Variants in RPAP1 observed in about 807,000 individuals in gnomAD.
RPAP1 encodes the protein RNA polymerase II associated protein 1.
RPAP1 carries 109 observed loss-of-function variants against 142.4 expected under a neutral mutation model. The ratio of observed to expected loss-of-function variants is 0.77; its 90% CI spans 0.66 to 0.90. The LOEUF is 0.90. Among genes scored for constraint, RPAP1 ranks in the 40% least tolerant of loss-of-function variants. The pLI is 0.00. For missense variants in RPAP1, 1,546 were observed against 1,751.7 expected, an observed-to-expected ratio of 0.88 and a Z score of 2.10; for synonymous variants, 704 against 738.9, an observed-to-expected ratio of 0.95 and a Z score of 0.77.
chr15:41,527,095 G>A, intron 13 of RPAP1, 27 bp from the exon 14 acceptor site: 1 of 1,612,386 alleles, frequency 6.2e-7, no homozygotes, highest in Non-Finnish European at 8.5e-7. Context: ...GTAAAAGGGA[G>A]GAAGGGAGGC....
intron 1 of RPAP1, among the ~76,000 whole-genome samples, chr15:41,537,659 G>A (rs1350432660): frequency 2.6e-5 from 4 of 151,800 alleles, no homozygotes; most frequent in African/African-American, 7.3e-5. Flanking sequence ...AGGAGGGTGG[G>A]TCACCTGAGG....
intron 1 of RPAP1, among the ~76,000 whole-genome samples, chr15:41,540,039 A>C (rs924057876): frequency 2.0e-5 from 3 of 152,074 alleles, no homozygotes; most frequent in African/African-American, 7.2e-5. Flanking sequence ...TCTCAAAAAA[A>C]TAATAATAAT....
In RPAP1 at chr15:41,533,057, C is replaced by T. The variant is rs79600579; in HGVS notation, c.763+1657G>A. ...GGTTTAAATCCTGTGTCCTGTGCTT[C>T]TTATAAGGTGTGTGACCTGGGTAGA... On this transcript the variant is annotated intron_variant, in intron 6 of 24. Coordinates refer to ENST00000304330, the MANE Select transcript of RPAP1 (RefSeq NM_015540.4). Among the ~76,000 whole-genome samples the T allele has an allele frequency of 8.7e-3, 1,048 of 120,470 alleles. 10 individuals carry two copies. The highest frequency in any genetic ancestry group is 0.012 in the Non-Finnish European group (713 of 58,942). 79.0% of individuals were successfully genotyped at this position (120,470 alleles called of 152,430 possible). A position where few individuals can be genotyped will look rare whatever the true frequency, so the allele number is the denominator to read the frequency against.
At chr15:41,542,755 T>C (rs533185259) in intron 1 of RPAP1, among the ~76,000 whole-genome samples, 2 of 152,286 alleles carry the variant, frequency 1.3e-5, no homozygotes, top group African/African-American at 2.4e-5. Flanking sequence ...ATTATATATA[T>C]GTAAGAAGAT....
chr15:41,529,689 G>T, intron 8 of RPAP1, 121 bp from the exon 9 acceptor site: 1 of 886,374 alleles, frequency 1.1e-6, no homozygotes. Context: ...TACCAGAAAT[G>T]GGGCTTATCT....
At chr15:41,521,913 C>T in intron 20 of RPAP1, 33 bp from the exon 21 acceptor site, 1 of 1,607,426 alleles carries the variant, frequency 6.2e-7, no homozygotes, top group Non-Finnish European at 8.5e-7. Flanking sequence ...CTACCTAGTA[C>T]AGGAGAAGGG....
Position 41,536,179 on chromosome 15 carries a change from G to T in RPAP1, c.370C>A (p.Pro124Thr). 6.2e-7 allele frequency: 1 copy of T among 1,614,096 alleles called. No homozygotes were observed. Among genetic ancestry groups the T allele is most frequent in the Non-Finnish European group, 8.5e-7 (1 of 1,180,014 alleles). Residue 124 changes from proline to threonine, a missense_variant, in exon 4 of 25, where the codon CCC becomes ACC. Pro to Thr is a conservative substitution (Grantham distance 38, BLOSUM62 -1). Around this residue, in one of 3 missense-constraint regions of RPAP1, gnomAD observed 1,333 missense variants for 1,486.6 expected, o/e 0.90. Transcript: ENST00000304330. ...ACAGCAGGGAAAGCAACACCACTGGGCACAGGCAGATTCACGGCCACTGAA... is the reference window on the plus strand; with the variant it reads ...ACAGCAGGGAAAGCAACACCACTGGTCACAGGCAGATTCACGGCCACTGAA... ...TSSVAVNLPV[P>T]SGVAFPAVFL... is the part of the protein sequence containing the mutation.
chr15:41,528,072 C>G (rs775727877), intron 10 of RPAP1, 45 bp from the exon 11 acceptor site: 37 of 1,603,772 alleles, frequency 2.3e-5, no homozygotes, highest in Admixed American at 2.2e-4. Flanking sequence ...CTGAAGTTAT[C>G]TAGAGGCTTT....
intron 21 of RPAP1, among the ~76,000 whole-genome samples, 174 bp from the exon 22 acceptor site, chr15:41,521,321 G>A (rs998782854): frequency 2.0e-5 from 3 of 152,226 alleles, no homozygotes; most frequent in African/African-American, 7.2e-5. Context: ...ACTACAGCCA[G>A]CTGCCTAGGC....
At chr15:41,521,178 G>A in intron 21 of RPAP1, 31 bp from the exon 22 acceptor site, 6 of 1,508,462 alleles carry the variant, frequency 4.0e-6, no homozygotes, top group Non-Finnish European at 4.4e-6. Flanking sequence ...CAAAAATGAG[G>A]GCTGGAACCA....
rs1260587497 is a variant in RPAP1, at chr15:41,524,986, C to G, written c.2075+5G>C. 6.2e-7 allele frequency: 1 copy of G among 1,612,896 alleles called. No individual in the cohort carries two copies. Among genetic ancestry groups the G allele is most frequent in the Non-Finnish European group, 8.5e-7 (1 of 1,179,666 alleles). On this transcript the variant is annotated splice_donor_5th_base_variant and intron_variant, in intron 15 of 24. Coordinates refer to ENST00000304330, the MANE Select transcript of RPAP1 (RefSeq NM_015540.4). ...AGGGGGAGCCTACCCCCTGCCTCTC[C>G]TCACCTGTAAAGGTAACCGCCCTGG...
intron 17 of RPAP1, 68 bp downstream of exon 17, chr15:41,523,703 G>A: frequency 7.5e-7 from 1 of 1,334,900 alleles, no homozygotes; most frequent in Non-Finnish European, 1.0e-6. Flanking sequence ...CAGAGAGGGA[G>A]CAACGGGTGG....
rs2297379 is a variant in RPAP1 at position 41,527,085 on chromosome 15, G to A, written c.1747-17C>T. On this transcript the variant is annotated splice_polypyrimidine_tract_variant and intron_variant, in intron 13 of 24. Transcript: ENST00000304330. The stretch of plus-strand genomic sequence containing the variant: ...CTCCAGGACCTATGGGAGACAGGAG[G>A]TAAAAGGGAGGAAGGGAGGCTGTGG... 645,819 of 1,611,798 alleles carry A rather than the reference G, an allele frequency of 0.4. 132,400 individuals carry two copies. Among genetic ancestry groups the A allele is most frequent in the Admixed American group, 0.5 (29,823 of 59,942 alleles).
chr15:41,529,737 TGAGAGCAAAGGA>T (rs1199601637), intron 8 of RPAP1, 115 bp downstream of exon 8: 6 of 850,150 alleles, frequency 7.1e-6, no homozygotes, highest in Non-Finnish European at 1.1e-5. Context: ...TAAAGGTGGG[TGAGAGCAAAGGA>T]GAGATGCTTC....
Position 41,520,756 on chromosome 15 carries a change from G to A in RPAP1, c.3430C>T (p.Pro1144Ser), listed in dbSNP as rs368927561. Reference protein sequence around the residue: ...QWVLVLESWRPQALWAVPPAA... With the variant: ...QWVLVLESWRSQALWAVPPAA... ...GGGGGCACAGCCCAGAGAGCCTGGG[G>A]GCGCCAGCTCTCCAAAACTAGCACC... Residue 1144 changes from proline (P) to serine (S), a missense_variant, in exon 22 of 25, where the codon CCC (proline) becomes TCC (serine). By Grantham distance (74) the Pro-to-Ser change is moderately conservative (BLOSUM62 -1). This residue lies in a region of RPAP1 where 1,333 missense variants were observed against 1,486.6 expected (regional missense o/e 0.90). Transcript: ENST00000304330. 2 of 1,613,744 alleles carry A rather than the reference G, an allele frequency of 1.2e-6. No homozygotes were observed. The highest frequency in any genetic ancestry group is 1.7e-6 in the Non-Finnish European group (2 of 1,179,970).
chr15:41,541,764 G>T (rs905150752), intron 1 of RPAP1, among the ~76,000 whole-genome samples: 1 of 151,900 alleles, frequency 6.6e-6, no homozygotes, highest in Non-Finnish European at 1.5e-5. Context: ...GGAGAATGGC[G>T]TGAACCCGGG....
intron 20 of RPAP1, 81 bp from the exon 21 acceptor site, chr15:41,521,961 A>C: frequency 6.4e-7 from 1 of 1,571,232 alleles, no homozygotes; most frequent in Middle Eastern, 1.7e-4. Context: ...GATAAAAGTG[A>C]GGCTGAAGGG....
chr15:41,534,643 C>G (rs969216060), intron 6 of RPAP1, 71 bp downstream of exon 6: 27 of 783,962 alleles, frequency 3.4e-5, no homozygotes, highest in African/African-American at 5.4e-5. Flanking sequence ...CCGGAACTCA[C>G]AGTAAGCCTA....
At chr15:41,517,921 T>C in intron 23 of RPAP1, 64 bp from the exon 24 acceptor site, 1 of 1,613,278 alleles carries the variant, frequency 6.2e-7, no homozygotes, top group South Asian at 1.1e-5. Context: ...TGGCCTTGCT[T>C]GACACTTACC....
Sources: gnomAD v4.1 joint callset for allele counts (sites outside exome capture counted in the v4.1 genomes callset) on GRCh38, gnomAD v4.1.1 for gene constraint, gnomAD v4.1.1 regional missense constraint, MANE v1.5 for transcripts, NCBI Gene and HGNC (gene_info 2026-07-23, HGNC 2026-07-21) for gene names.